The following C6orf62 variants were observed in gnomAD, a reference collection of about 807,000 sequenced individuals.
The protein encoded by C6orf62 is uncharacterized protein C6orf62.
In C6orf62, 16 loss-of-function variants were observed where a neutral mutation model predicts 26.8. The ratio of observed to expected loss-of-function variants is 0.60; its 90% CI spans 0.40 to 0.91. The LOEUF (loss-of-function observed/expected upper bound fraction) is 0.91, where lower values mean the gene tolerates loss of function less well. Ranked by LOEUF, C6orf62 falls within the 40% of genes least tolerant of loss-of-function variation. The pLI is 0.00. For missense variants in C6orf62, 192 were observed against 271.4 expected (o/e 0.71, Z 2.06); for synonymous variants, 112 against 91.5 (o/e 1.22, Z -1.28).
At chr6:24,719,983 A>G (rs1397363001), upstream of C6orf62, 6 of 1,545,128 alleles carry the variant, frequency 3.9e-6, no homozygotes, top group East Asian at 1.5e-4. Flanking sequence ...AAAAAAGAAA[A>G]TAATTGTGTT....
chr6:24,720,013 G>GGGGGGGGGCC, upstream of C6orf62: 32 of 1,479,154 alleles, frequency 2.2e-5, no homozygotes, highest in Non-Finnish European at 2.9e-5. Context: ...TCTAAAGTAA[G>GGGGGGGGGCC]CCCACCCACC....
Position 24,718,861 on chromosome 6 carries a change from G to C in C6orf62, c.-193C>G, listed in dbSNP as rs189669385. ...GCAGACTGTCATATTACAGGGTCAAGAAACAAAAGCTGCTGTCCAGTCATG... is the reference window on the plus strand; with the variant it reads ...GCAGACTGTCATATTACAGGGTCAACAAACAAAAGCTGCTGTCCAGTCATG... On this transcript the variant is annotated 5_prime_UTR_variant, in exon 1 of 5. Coordinates refer to ENST00000378119, the MANE Select transcript of C6orf62 (RefSeq NM_030939.5). The C allele has an allele frequency of 4.9e-6, 7 of 1,418,788 alleles. No homozygotes were observed. The South Asian group carries it at 6.1e-5, about 12-fold the overall frequency. The allele number at this position is 1,418,788 out of a possible 1,614,324, so 87.9% of individuals were successfully genotyped here.
At chr6:24,710,039 T>A (rs1004609628) in intron 3 of C6orf62, 2 of 983,872 alleles carry the variant, frequency 2.0e-6, no homozygotes, top group Non-Finnish European at 2.4e-6. Context: ...ATATACCATA[T>A]GTAAAATGAT....
In C6orf62 at chr6:24,706,194, G is replaced by A. The variant is rs773769993; in HGVS notation, c.633C>T (p.Leu211=). The change falls in exon 5 of 5, where the codon CTC becomes CTT. Residue 211 remains leucine, a synonymous_variant. Coordinates refer to ENST00000378119, the MANE Select transcript of C6orf62 (RefSeq NM_030939.5). ...CTATGGTGCCAACTGCCCAGTGGGT[G>A]AGCTGTTCCTGTGGCAGGTAGAGGC... ...SICLYLPQEQ[L]THWAVGTIED... is the part of the protein sequence containing the mutation. 1.9e-6 allele frequency: 3 copies of A among 1,614,196 alleles called. No individual in the cohort carries two copies. The highest frequency in any genetic ancestry group is 2.5e-6 in the Non-Finnish European group (3 of 1,180,044).
At chr6:24,710,885 A>G (rs1779107844) in intron 3 of C6orf62, among the ~76,000 whole-genome samples, 1 of 152,030 alleles carries the variant, frequency 6.6e-6, no homozygotes, top group Admixed American at 6.6e-5. Flanking sequence ...CCAGCTACTC[A>G]TGAGGTTGAG....
At position 24,712,952 on chromosome 6, in the gene C6orf62, T is replaced by C. The variant is rs144656126; in HGVS notation, c.429+1366A>G. Reference sequence around the variant, plus strand: ...AGAGAGCAGCTAGAGTTATCAGCCCTGCGCTGAGAACTTTAAACATGCCTT... The same window carrying C: ...AGAGAGCAGCTAGAGTTATCAGCCCCGCGCTGAGAACTTTAAACATGCCTT... On this transcript the variant is annotated intron_variant, in intron 3 of 4. Transcript: ENST00000378119. Among the ~76,000 whole-genome samples the C allele has an allele frequency of 3.9e-3, 589 of 152,310 alleles. 2 individuals carry two copies. Among genetic ancestry groups the C allele is most frequent in the African/African-American group, 0.013 (524 of 41,568 alleles).
At chr6:24,720,220 A>G (rs180702293), upstream of C6orf62, 11,392 of 1,320,786 alleles carry the variant, frequency 8.6e-3, 219 homozygotes, top group Non-Finnish European at 7.0e-3. Flanking sequence ...TCACGGACCG[A>G]CTCTAGGGCG....
intron 2 of C6orf62, among the ~76,000 whole-genome samples, chr6:24,715,348 G>T (rs921274763): frequency 2.0e-5 from 3 of 151,944 alleles, no homozygotes; most frequent in Non-Finnish European, 4.4e-5. Context: ...TTACAAAGCT[G>T]GAAGCACTTC....
Position 24,714,325 on chromosome 6 carries a change from G to C in C6orf62, c.422C>G (p.Pro141Arg). 5 of 1,607,470 alleles carry C rather than the reference G, an allele frequency of 3.1e-6. No individual in the cohort carries two copies. The highest frequency in any genetic ancestry group is 4.2e-6 in the Non-Finnish European group (5 of 1,177,862). ...RWKESDEPFR[P>R]VQAKFEFHHG... Reference sequence around the variant, plus strand: ...CACTTTAGACCAAAATACCTGAACAGGCCTAAAAGGCTCATCAGATTCTTT... The same window carrying C: ...CACTTTAGACCAAAATACCTGAACACGCCTAAAAGGCTCATCAGATTCTTT... Residue 141 changes from proline (P) to arginine (R), a missense_variant, in exon 3 of 5, where the codon CCT becomes CGT. Physicochemically the swap from Pro to Arg is moderately radical, Grantham distance 103. Coordinates refer to ENST00000378119, the MANE Select transcript of C6orf62 (RefSeq NM_030939.5).
chr6:24,712,399 G>A (rs997911923), intron 3 of C6orf62, among the ~76,000 whole-genome samples: 3 of 151,710 alleles, frequency 2.0e-5, no homozygotes, highest in African/African-American at 4.8e-5. Flanking sequence ...GGACGGGCAT[G>A]GTGGCTCATA....
chr6:24,719,155 CAAAAAAAAAA>C, upstream of C6orf62: 1 of 874,784 alleles, frequency 1.1e-6, no homozygotes, highest in Non-Finnish European at 1.3e-6. Flanking sequence ...CCTTGCTTTC[CAAAAAAAAAA>C]AAAAAAAAAA....
upstream of C6orf62, chr6:24,719,836 T>G: frequency 1.6e-6 from 1 of 635,928 alleles, no homozygotes; most frequent in Non-Finnish European, 2.5e-6. Flanking sequence ...CCCCCACCCC[T>G]TGCCTTCAGC....
chr6:24,708,070 G>C (rs965119184), intron 4 of C6orf62, among the ~76,000 whole-genome samples: 6 of 148,938 alleles, frequency 4.0e-5, no homozygotes, highest in African/African-American at 1.2e-4. Flanking sequence ...ATCACCTGAG[G>C]GTTCTGTTTA....
intron 3 of C6orf62, among the ~76,000 whole-genome samples, chr6:24,712,094 A>G (rs1484822577): frequency 2.0e-5 from 3 of 152,130 alleles, no homozygotes; most frequent in Non-Finnish European, 4.4e-5. Flanking sequence ...AAAGTAAGAG[A>G]AAGTCTAAGG....
At chr6:24,719,390 G>A (rs1053798896), upstream of C6orf62, 2 of 1,009,680 alleles carry the variant, frequency 2.0e-6, no homozygotes, top group Admixed American at 1.1e-4. Flanking sequence ...AGAAGGAAAG[G>A]GAGAGGTACA....
At chr6:24,719,621 T>C, upstream of C6orf62, 1 of 1,431,778 alleles carries the variant, frequency 7.0e-7, no homozygotes, top group Non-Finnish European at 9.1e-7. Flanking sequence ...TAGACCTGAT[T>C]AATGCCCGGG....
intron 3 of C6orf62, chr6:24,710,530 T>C (rs1255390504): frequency 4.3e-6 from 4 of 930,478 alleles, no homozygotes; most frequent in Non-Finnish European, 5.1e-6. Context: ...TCCCAAAGTG[T>C]TGGGATTACA....
At chr6:24,713,098 GT>G (rs1779153926) in intron 3 of C6orf62, among the ~76,000 whole-genome samples, 3 of 152,160 alleles carry the variant, frequency 2.0e-5, no homozygotes, top group Non-Finnish European at 4.4e-5. Flanking sequence ...TAAACCCAGT[GT>G]AAGTTACACG....
At chr6:24,718,498 A>T (rs1779283738) in intron 1 of C6orf62, 42 bp downstream of exon 1, 1 of 1,537,368 alleles carries the variant, frequency 6.5e-7, no homozygotes, top group African/African-American at 1.4e-5. Context: ...TACACTTACA[A>T]AAATTACTTG....
Sources: gnomAD v4.1 joint callset for allele counts (sites outside exome capture counted in the v4.1 genomes callset) on GRCh38, gnomAD v4.1.1 for gene constraint, MANE v1.5 for transcripts, NCBI Gene and HGNC (gene_info 2026-07-23, HGNC 2026-07-21) for gene names.